Variants in PARD3 observed in about 807,000 individuals in gnomAD.
The protein encoded by PARD3 is partitioning defective 3 homolog.
Under a neutral mutation model 155.4 loss-of-function variants are expected in PARD3, and 75 were observed. The ratio of observed to expected loss-of-function variants is 0.48; its 90% CI spans 0.40 to 0.58. The LOEUF is 0.58. Among genes scored for constraint, PARD3 ranks in the 20% least tolerant of loss-of-function variants. The probability of loss-of-function intolerance (pLI) is 0.00; values close to 1 mark genes in which losing one functional copy is unlikely to be tolerated. For synonymous variants in PARD3, 576 were observed against 610.5 expected, an observed-to-expected ratio of 0.94 and a Z score of 0.83; for missense variants, 1,642 against 1,721.7, an observed-to-expected ratio of 0.95 and a Z score of 0.82.
At position 34,189,893 on chromosome 10, in the gene PARD3, G is replaced by A. The variant is rs1485054422; in HGVS notation, c.3420-58310C>T. Reference sequence around the variant, plus strand: ...AATGATAAAATTTGAGCTTTCAAGTGAAAATCAGAACTTTGGAAAACTTCT... The same window carrying A: ...AATGATAAAATTTGAGCTTTCAAGTAAAAATCAGAACTTTGGAAAACTTCT... On this transcript the variant is annotated intron_variant, in intron 22 of 24. Coordinates refer to ENST00000374788, the MANE Select transcript of PARD3 (RefSeq NM_001184785.2). Among the ~76,000 whole-genome samples, 4 of 152,232 alleles carry A rather than the reference G, an allele frequency of 2.6e-5. No homozygotes were observed. The East Asian group carries it at 5.8e-4, about 22-fold the overall frequency.
At chr10:34,190,293 T>C (rs139166342) in intron 22 of PARD3, among the ~76,000 whole-genome samples, 103 of 152,324 alleles carry the variant, frequency 6.8e-4, no homozygotes, top group African/African-American at 2.4e-3. Flanking sequence ...AGGAGGATCT[T>C]GTTGTCTTCC....
At chr10:34,318,331 G>A (rs1256222102) in intron 19 of PARD3, among the ~76,000 whole-genome samples, 3 of 152,180 alleles carry the variant, frequency 2.0e-5, no homozygotes, top group Non-Finnish European at 4.4e-5. Flanking sequence ...CAAATACAAT[G>A]AGAATTATAG....
At position 34,317,063 on chromosome 10, in the gene PARD3, C is replaced by G. The variant is rs76201181; in HGVS notation, c.3065+44G>C. On this transcript the variant is annotated intron_variant, in intron 20 of 24. Transcript: ENST00000374788. ...AGTACTTTTTGCTAAGCTCACACTCCTGTATGTTTAAGGAGATTCTGGTTT... is the reference window on the plus strand; with the variant it reads ...AGTACTTTTTGCTAAGCTCACACTCGTGTATGTTTAAGGAGATTCTGGTTT... 2,225 of 1,508,252 alleles carry G rather than the reference C, an allele frequency of 1.5e-3. 40 individuals are homozygous for G. In the African/African-American group the frequency reaches 0.028, roughly 19 times the overall value. 93.4% of individuals were successfully genotyped at this position (1,508,252 alleles called of 1,614,324 possible). A position where few individuals can be genotyped will look rare whatever the true frequency, so the allele number is the denominator to read the frequency against.
intron 2 of PARD3, among the ~76,000 whole-genome samples, chr10:34,653,864 T>C (rs1043611210): frequency 2.6e-5 from 4 of 151,800 alleles, no homozygotes; most frequent in African/African-American, 4.8e-5. Flanking sequence ...GACCCTGAGA[T>C]AGCCTCAGCA....
chr10:34,239,401 G>A (rs1473403414), intron 22 of PARD3, among the ~76,000 whole-genome samples: 1 of 152,230 alleles, frequency 6.6e-6, no homozygotes, highest in East Asian at 1.9e-4. Context: ...GGGAAGAAGT[G>A]TCAAGGCAGA....
At chr10:34,572,571 G>A (rs2086508477) in intron 2 of PARD3, among the ~76,000 whole-genome samples, 1 of 151,194 alleles carries the variant, frequency 6.6e-6, no homozygotes, top group Admixed American at 6.6e-5. Flanking sequence ...AACCTGGGAG[G>A]CAGCAGTTGC....
intron 22 of PARD3, among the ~76,000 whole-genome samples, chr10:34,174,435 C>G (rs1386829940): frequency 6.6e-6 from 1 of 152,118 alleles, no homozygotes; most frequent in Non-Finnish European, 1.5e-5. Flanking sequence ...AAACTGTATT[C>G]ACTACAGAAA....
intron 20 of PARD3, among the ~76,000 whole-genome samples, chr10:34,310,139 T>C (rs2134081461): frequency 6.6e-6 from 1 of 152,320 alleles, no homozygotes; most frequent in African/African-American, 2.4e-5. Flanking sequence ...CAAGTACATT[T>C]AGGAGTAACA....
intron 7 of PARD3, among the ~76,000 whole-genome samples, chr10:34,398,301 T>G (rs1843541674): frequency 1.3e-5 from 2 of 152,160 alleles, no homozygotes; most frequent in African/African-American, 4.8e-5. Flanking sequence ...ATAAAATGCA[T>G]AGTTTAATCC....
chr10:34,165,013 T>C (rs1171121994), intron 22 of PARD3, among the ~76,000 whole-genome samples: 1 of 152,184 alleles, frequency 6.6e-6, no homozygotes, highest in Non-Finnish European at 1.5e-5. Context: ...GACTCTCCTT[T>C]TTTTCTCTTA....
At chr10:34,354,565 C>T (rs1382471835) in intron 14 of PARD3, among the ~76,000 whole-genome samples, 2 of 152,198 alleles carry the variant, frequency 1.3e-5, no homozygotes, top group African/African-American at 2.4e-5. Context: ...AGTGTGACAG[C>T]TGCTGGGTGA....
At chr10:34,446,615 A>T (rs1418306275) in intron 5 of PARD3, among the ~76,000 whole-genome samples, 1 of 152,230 alleles carries the variant, frequency 6.6e-6, no homozygotes, top group South Asian at 2.1e-4. Context: ...AGATACTAAT[A>T]TCAATTAGTT....
chr10:34,768,731 G>A (rs1207452267), intron 1 of PARD3, among the ~76,000 whole-genome samples: 1 of 152,184 alleles, frequency 6.6e-6, no homozygotes, highest in Non-Finnish European at 1.5e-5. Context: ...CTTGGCTCTG[G>A]CCCACTTTTC....
intron 2 of PARD3, among the ~76,000 whole-genome samples, chr10:34,568,660 T>G (rs903387398): frequency 3.3e-5 from 5 of 152,230 alleles, no homozygotes; most frequent in Non-Finnish European, 7.3e-5. Flanking sequence ...TGACCTCCCC[T>G]GTTCTCAGAC....
chr10:34,361,359 A>G lies in PARD3; in HGVS notation c.1708-1100T>C, dbSNP rs114686135. ...CTGTTTAGTCATTCAAGCTTGACTT[A>G]TCAAATTATAATTGAAGAATAAGAA... is the stretch of plus-strand genomic sequence containing the variant. On this transcript the variant is annotated intron_variant, in intron 12 of 24. Coordinates refer to ENST00000374788, the MANE Select transcript of PARD3 (RefSeq NM_001184785.2). 6.0e-3 allele frequency among the ~76,000 whole-genome samples: 909 copies of G among 152,362 alleles called. 9 individuals are homozygous for G. Among genetic ancestry groups the G allele is most frequent in the African/African-American group, 0.021 (873 of 41,580 alleles).
rs763651079 is a variant in PARD3, at chr10:34,111,263, C to T, written c.3968G>A (p.Gly1323Glu). ...VQDPSYAPPKGPFRQDVPPSP... is the reference protein window; with the variant it reads ...VQDPSYAPPKEPFRQDVPPSP... Reference sequence around the variant, plus strand: ...GGGGGGCACATCTTGCCGGAAGGGCCCCTTGGGAGGGGCGTAACTGGGGTC... The same window carrying T: ...GGGGGGCACATCTTGCCGGAAGGGCTCCTTGGGAGGGGCGTAACTGGGGTC... Residue 1323 changes from glycine (G) to glutamate (E), a missense_variant, in exon 25 of 25, where the codon GGG becomes GAG. Gly to Glu is a moderately conservative substitution (Grantham distance 98). Around this residue, in one of 3 missense-constraint regions of PARD3, gnomAD observed 1,529 missense variants for 1,587.3 expected, o/e 0.96. Transcript: ENST00000374788. The T allele has an allele frequency of 6.2e-7, 1 of 1,613,494 alleles. No homozygotes were observed. Among genetic ancestry groups the T allele is most frequent in the Admixed American group, 1.7e-5 (1 of 60,004 alleles).
intron 1 of PARD3, among the ~76,000 whole-genome samples, chr10:34,724,226 T>A (rs1004664106): frequency 1.3e-5 from 2 of 151,656 alleles, no homozygotes; most frequent in African/African-American, 4.9e-5. Context: ...CTCAGGGTAT[T>A]TTTTTTTAAG....
At chr10:34,561,374 T>C (rs529476469) in intron 2 of PARD3, among the ~76,000 whole-genome samples, 1 of 152,182 alleles carries the variant, frequency 6.6e-6, no homozygotes, top group Non-Finnish European at 1.5e-5. Context: ...CCCAAACCAG[T>C]ATTTCATTTG....
At chr10:34,721,230 AGAAAT>A in intron 1 of PARD3, among the ~76,000 whole-genome samples, 1 of 152,372 alleles carries the variant, frequency 6.6e-6, no homozygotes. Flanking sequence ...AGCAACCAAA[AGAAAT>A]CAATTCCAGA....
Sources: gnomAD v4.1 joint callset for allele counts (sites outside exome capture counted in the v4.1 genomes callset) on GRCh38, gnomAD v4.1.1 for gene constraint, gnomAD v4.1.1 regional missense constraint, MANE v1.5 for transcripts, NCBI Gene and HGNC (gene_info 2026-07-23, HGNC 2026-07-21) for gene names.